Variants in PEX11G observed in about 807,000 individuals in gnomAD.
PEX11G encodes the protein peroxisomal biogenesis factor 11 gamma, also known as peroxisomal membrane protein 11C.
Under a neutral mutation model 22.5 loss-of-function variants are expected in PEX11G, and 20 were observed. The observed-to-expected ratio is 0.89, with a 90% CI of 0.62 to 1.29. The LOEUF (loss-of-function observed/expected upper bound fraction) is 1.29, where lower values mean the gene tolerates loss of function less well. Ranked by LOEUF, PEX11G falls within the 50% of genes most tolerant of loss-of-function variation. The pLI is 0.00. For missense variants in PEX11G, 347 were observed against 331.3 expected (o/e 1.05, Z -0.37); for synonymous variants, 141 against 154.5 (o/e 0.91, Z 0.65).
upstream of PEX11G, among the ~76,000 whole-genome samples, chr19:7,492,370 C>T (rs951281915): frequency 6.6e-6 from 1 of 152,154 alleles, no homozygotes; most frequent in Non-Finnish European, 1.5e-5. Flanking sequence ...GTAGGTGTGA[C>T]GTGCCACCCC....
intron 3 of PEX11G, among the ~76,000 whole-genome samples, chr19:7,481,301 A>G (rs965710305): frequency 3.3e-5 from 5 of 152,032 alleles, no homozygotes; most frequent in Admixed American, 2.0e-4. Flanking sequence ...CCCAAATTCA[A>G]GCAATCCTCC....
At chr19:7,490,320 CTTG>C (rs1214973079), upstream of PEX11G, among the ~76,000 whole-genome samples, 3 of 151,878 alleles carry the variant, frequency 2.0e-5, no homozygotes, top group Non-Finnish European at 4.4e-5. Context: ...TTGTTTTTCC[CTTG>C]TTAATTTTTT....
Position 7,477,442 on chromosome 19 carries a change from G to A in PEX11G, c.492-6C>T, listed in dbSNP as rs1460845056. ...GCTTGCCCCGGGGCAGCGGGCTGTG[G>A]GGCAGAGAGGGGCCGCTTACACTCA... On this transcript the variant is annotated splice_region_variant and splice_polypyrimidine_tract_variant and intron_variant, in intron 4 of 4. Coordinates refer to ENST00000221480, the MANE Select transcript of PEX11G (RefSeq NM_080662.4). 4 of 1,423,870 alleles carry A rather than the reference G, an allele frequency of 2.8e-6. No individual in the cohort carries two copies. Among genetic ancestry groups the A allele is most frequent in the Non-Finnish European group, 3.7e-6 (4 of 1,092,684 alleles). The allele number at this position is 1,423,870 out of a possible 1,614,324, so 88.2% of individuals were successfully genotyped here.
intron 3 of PEX11G, among the ~76,000 whole-genome samples, chr19:7,479,346 T>C (rs1351251086): frequency 1.3e-5 from 2 of 151,534 alleles, no homozygotes; most frequent in Non-Finnish European, 2.9e-5. Flanking sequence ...TAGCTGGGGG[T>C]GGTGGTGGGC....
At chr19:7,486,086 C>A in intron 1 of PEX11G, 60 bp from the exon 2 acceptor site, 1 of 1,441,422 alleles carries the variant, frequency 6.9e-7, no homozygotes, top group South Asian at 1.3e-5. Context: ...GAGCTGCATC[C>A]CCCCATACCT....
chr19:7,483,285 C>T (rs1447128017), intron 2 of PEX11G: 1 of 152,312 alleles, frequency 6.6e-6, no homozygotes, highest in Non-Finnish European at 1.5e-5. Flanking sequence ...CTGAACCTCA[C>T]TCCAGCTTCC....
chr19:7,479,883 G>A (rs1977405638), intron 3 of PEX11G, among the ~76,000 whole-genome samples: 1 of 152,198 alleles, frequency 6.6e-6, no homozygotes, highest in Non-Finnish European at 1.5e-5. Flanking sequence ...GATGCTGCCA[G>A]TAGTCGGGGA....
chr19:7,489,959 G>C (rs1198530076), upstream of PEX11G, among the ~76,000 whole-genome samples: 1 of 151,386 alleles, frequency 6.6e-6, no homozygotes, highest in Non-Finnish European at 1.5e-5. Context: ...CCTGGTTCAA[G>C]CGATTCTCGT....
In PEX11G at chr19:7,477,252, T is replaced by C. The variant is rs1259831600; in HGVS notation, c.676A>G (p.Met226Val). The C allele has an allele frequency of 7.0e-6, 11 of 1,577,716 alleles. No individual in the cohort carries two copies. The highest frequency in any genetic ancestry group is 1.9e-5 in the Admixed American group (1 of 52,922). ...CCGCCGGCCCGGGCCGCCTGGTACA[T>C]GCTGAGGATTGAGGAGATGGTGCCC... The part of the protein sequence containing the change: ...LMGTISSILS[M>V]YQAARAGGQA... The change falls in exon 5 of 5, where the codon ATG (methionine) becomes GTG (valine). Residue 226 changes from methionine to valine, a missense_variant. By Grantham distance (21) the Met-to-Val change is conservative. Transcript: ENST00000221480.
At chr19:7,485,760 T>C (rs2021616746) in intron 2 of PEX11G, 78 bp downstream of exon 2, 1 of 1,370,778 alleles carries the variant, frequency 7.3e-7, no homozygotes, top group Admixed American at 2.2e-5. Flanking sequence ...TGAGCCACTG[T>C]GAGGGGCCAA....
chr19:7,476,919 A>G lies in PEX11G; in HGVS notation c.*283T>C. On this transcript the variant is annotated 3_prime_UTR_variant, in exon 5 of 5. Coordinates refer to ENST00000221480, the MANE Select transcript of PEX11G (RefSeq NM_080662.4). The stretch of plus-strand genomic sequence containing the variant: ...ATTGATTCCCGTTCCAGCTTTCTCA[A>G]GGCACGACAGGCCCCCTCTTCCTCA... 1 of 388,782 alleles carries G rather than the reference A, an allele frequency of 2.6e-6. No individual in the cohort carries two copies. 24.1% of individuals were successfully genotyped at this position (388,782 alleles called of 1,614,324 possible). A position where few individuals can be genotyped will look rare whatever the true frequency, so the allele number is the denominator to read the frequency against.
chr19:7,482,655 C>A (rs1468927787), intron 2 of PEX11G, among the ~76,000 whole-genome samples: 1 of 152,204 alleles, frequency 6.6e-6, no homozygotes, highest in Non-Finnish European at 1.5e-5. Context: ...CAGGTGGGGA[C>A]CTCTGTTGCC....
At position 7,477,164 on chromosome 19, in the gene PEX11G, G is replaced by A. The variant is rs1056406631; in HGVS notation, c.*38C>T. ...TTCTGCTTTGCGGGAAGGGCCCTCC[G>A]TGGGCTCTGGCTGTGTCCCTGTGCT... On this transcript the variant is annotated 3_prime_UTR_variant, in exon 5 of 5. Coordinates refer to ENST00000221480, the MANE Select transcript of PEX11G (RefSeq NM_080662.4). 1.6e-5 allele frequency: 23 copies of A among 1,404,300 alleles called. No individual in the cohort carries two copies. The highest frequency in any genetic ancestry group is 5.6e-5 in the East Asian group (2 of 35,496). The allele number at this position is 1,404,300 out of a possible 1,614,324, so 87.0% of individuals were successfully genotyped here.
upstream of PEX11G, among the ~76,000 whole-genome samples, chr19:7,490,272 A>T (rs76274902): frequency 0.047 from 7,151 of 152,148 alleles, 228 homozygotes; most frequent in East Asian, 0.11. Flanking sequence ...TTCTCTTGGC[A>T]TCTCCCATGT....
chr19:7,489,017 T>G lies in PEX11G; in HGVS notation c.-7A>C, dbSNP rs747562401. ...GGCCGCTCAGCGACGCCATGGCAAC[T>G]CCGTGACGTCACCGCGACGTCGGCG... On this transcript the variant is annotated 5_prime_UTR_variant, in exon 1 of 5. Transcript: ENST00000221480. 6.6e-7 allele frequency: 1 copy of G among 1,516,692 alleles called. No homozygotes were observed. Among genetic ancestry groups the G allele is most frequent in the East Asian group, 2.7e-5 (1 of 37,386 alleles). The allele number at this position is 1,516,692 out of a possible 1,614,324, so 94.0% of individuals were successfully genotyped here.
At chr19:7,484,633 C>T (rs1599218029) in intron 2 of PEX11G, among the ~76,000 whole-genome samples, 2 of 152,028 alleles carry the variant, frequency 1.3e-5, no homozygotes, top group South Asian at 4.2e-4. Flanking sequence ...ATTAGCCAGG[C>T]ATGGTGGGGG....
upstream of PEX11G, among the ~76,000 whole-genome samples, chr19:7,492,638 C>T (rs1299256990): frequency 6.6e-6 from 1 of 152,056 alleles, no homozygotes; most frequent in African/African-American, 2.4e-5. Context: ...GACGGGGTTT[C>T]GCCATGTTGG....
At chr19:7,488,597 C>G (rs746162871) in intron 1 of PEX11G, among the ~76,000 whole-genome samples, 20 of 152,076 alleles carry the variant, frequency 1.3e-4, no homozygotes, top group Non-Finnish European at 2.4e-4. Context: ...GCCAGGAGAT[C>G]GAGACCATCC....
At chr19:7,477,552 G>T in intron 4 of PEX11G, 116 bp from the exon 5 acceptor site, 2 of 878,462 alleles carry the variant, frequency 2.3e-6, no homozygotes, top group Non-Finnish European at 3.2e-6. Flanking sequence ...AGTGGGAGGA[G>T]CTGGCAGGAC....
Sources: allele counts gnomAD v4.1 joint callset (sites outside exome capture counted in the v4.1 genomes callset), GRCh38; gene constraint gnomAD v4.1.1; transcripts MANE v1.5; gene names NCBI Gene and HGNC (gene_info 2026-07-23, HGNC 2026-07-21).